ASPH: variants seen among roughly 807,000 people sequenced by gnomAD.
ASPH encodes the protein aspartate beta-hydroxylase.
A neutral mutation model predicts 118.4 loss-of-function variants in ASPH; 100 were observed. The observed-to-expected ratio is 0.84, with a 90% CI of 0.72 to 1.00. ASPH has a LOEUF of 1.00. ASPH is among the 50% of genes least tolerant of loss of function. ASPH has a pLI of 0.00. For synonymous variants in ASPH, 315 were observed against 325.6 expected (o/e 0.97, Z 0.35); for missense variants, 920 against 919.5 (o/e 1.00, Z -0.01).
At chr8:61,668,297 A>C (rs1820718606) in intron 3 of ASPH, 18 of 1,595,886 alleles carry the variant, frequency 1.1e-5, no homozygotes, top group Non-Finnish European at 1.5e-5. Flanking sequence ...TACAAGATGA[A>C]AATAGGTTAT....
In ASPH at chr8:61,589,883, G is replaced by A. The variant is rs144860450; in HGVS notation, c.977-5854C>T. Among the ~76,000 whole-genome samples the A allele has an allele frequency of 5.3e-4, 81 of 152,270 alleles. 2 individuals carry two copies. The East Asian group carries it at 0.014, about 26-fold the overall frequency. On this transcript the variant is annotated intron_variant, in intron 14 of 24. Transcript: ENST00000379454. ...TATGTGCAATTATAGGATGAATGAGGAGTGGTACTAATCTATTTGGGAGGG... is the reference window on the plus strand; with the variant it reads ...TATGTGCAATTATAGGATGAATGAGAAGTGGTACTAATCTATTTGGGAGGG...
chr8:61,617,932 C>CAAA (rs10674052), intron 14 of ASPH, among the ~76,000 whole-genome samples: 3 of 87,830 alleles, frequency 3.4e-5, no homozygotes, highest in African/African-American at 1.4e-4. Context: ...GACGCCATCT[C>CAAA]AAAAAAAAAA....
chr8:61,527,579 G>A lies in ASPH; in HGVS notation c.1765-1467C>T, dbSNP rs74493374. Among the ~76,000 whole-genome samples the A allele has an allele frequency of 4.0e-3, 613 of 152,228 alleles. 4 individuals carry two copies. The highest frequency in any genetic ancestry group is 0.013 in the African/African-American group (538 of 41,530). On this transcript the variant is annotated intron_variant, in intron 21 of 24. Transcript: ENST00000379454. ...ATTAATTTGTGTTAATATTGTTAAC[G>A]GAAGACCAATGAGATGTGGGGAGGC... is the stretch of plus-strand genomic sequence containing the variant.
chr8:61,572,056 T>C (rs1246594939), intron 16 of ASPH, among the ~76,000 whole-genome samples: 2 of 152,228 alleles, frequency 1.3e-5, no homozygotes, highest in Non-Finnish European at 2.9e-5. Flanking sequence ...TAAAATCGAA[T>C]TAATAAAAAA....
intron 2 of ASPH, chr8:61,682,482 G>C (rs1268335645): frequency 1.2e-6 from 2 of 1,612,152 alleles, no homozygotes; most frequent in Non-Finnish European, 8.5e-7. Context: ...CCTTTGCTTT[G>C]GCTGCATGCA....
At chr8:61,621,333 AAAG>A (rs758433415) in intron 13 of ASPH, among the ~76,000 whole-genome samples, 2,027 of 41,800 alleles carry the variant, frequency 0.048, 28 homozygotes, top group African/African-American at 0.12. Context: ...AAAAAAAAAA[AAAG>A]AAAAGAAAAG....
intron 6 of ASPH, among the ~76,000 whole-genome samples, chr8:61,646,210 G>T (rs1185726296): frequency 6.6e-6 from 1 of 152,160 alleles, no homozygotes; most frequent in Non-Finnish European, 1.5e-5. Flanking sequence ...CAGCTACACT[G>T]ACCCACTTAG....
chr8:61,509,540 C>T (rs1000307238), intron 24 of ASPH, among the ~76,000 whole-genome samples: 2 of 152,140 alleles, frequency 1.3e-5, no homozygotes, highest in Non-Finnish European at 1.5e-5. Flanking sequence ...TTTACTGCAA[C>T]CTGTTTTATC....
intron 24 of ASPH, among the ~76,000 whole-genome samples, chr8:61,508,235 C>A (rs1807398728): frequency 6.6e-6 from 1 of 152,102 alleles, no homozygotes; most frequent in Non-Finnish European, 1.5e-5. Context: ...AGGCTGCTCT[C>A]CAACTCCTGG....
intron 3 of ASPH, among the ~76,000 whole-genome samples, chr8:61,654,794 C>T (rs1386005294): frequency 2.0e-5 from 3 of 152,246 alleles, no homozygotes; most frequent in East Asian, 1.9e-4. Flanking sequence ...ACCACTAGTA[C>T]ACCTGACACC....
At chr8:61,546,790 A>G (rs943944537) in intron 21 of ASPH, among the ~76,000 whole-genome samples, 3 of 152,212 alleles carry the variant, frequency 2.0e-5, no homozygotes, top group Non-Finnish European at 4.4e-5. Flanking sequence ...TCTTATAGAT[A>G]CAGTTTATTT....
chr8:61,536,601 C>T (rs1819707509), intron 21 of ASPH, among the ~76,000 whole-genome samples: 1 of 152,166 alleles, frequency 6.6e-6, no homozygotes, highest in Non-Finnish European at 1.5e-5. Flanking sequence ...GAGGAGGGTG[C>T]ATATTTGGCT....
chr8:61,598,901 G>A lies in ASPH; in HGVS notation c.977-14872C>T, dbSNP rs189673061. ...CAACATGCTCCTGAATGGCCACTGA[G>A]TCAATGAAAAAATTAAGAAGGAAAT... On this transcript the variant is annotated intron_variant, in intron 14 of 24. Coordinates refer to ENST00000379454, the MANE Select transcript of ASPH (RefSeq NM_004318.4). Among the ~76,000 whole-genome samples, 136 of 152,218 alleles carry A rather than the reference G, an allele frequency of 8.9e-4. 1 individual carries two copies. The highest frequency in any genetic ancestry group is 8.8e-5 in the Non-Finnish European group (6 of 68,012).
chr8:61,672,210 T>C (rs888842192), intron 3 of ASPH, among the ~76,000 whole-genome samples: 7 of 152,120 alleles, frequency 4.6e-5, no homozygotes, highest in African/African-American at 1.7e-4. Flanking sequence ...GCTTTTTTAT[T>C]TTTAAATAGA....
chr8:61,564,322 G>A (rs1830924661), intron 17 of ASPH, among the ~76,000 whole-genome samples: 3 of 140,262 alleles, frequency 2.1e-5, no homozygotes, highest in Non-Finnish European at 1.5e-5. Context: ...TTTTTGAGAT[G>A]GAGTCTTGCT....
chr8:61,548,205 A>G lies in ASPH; in HGVS notation c.1630T>C (p.Tyr544His). ...AMQRVGNKEA[Y>H]KWYELGHKRG... Reference sequence around the variant, plus strand: ...TTGTGCCCAAGCTCATACCACTTATATGCCTGAAGGAACAGAAAGAATGTG... The same window carrying G: ...TTGTGCCCAAGCTCATACCACTTATGTGCCTGAAGGAACAGAAAGAATGTG... The change falls in exon 21 of 25, where the codon TAT becomes CAT. Residue 544 changes from tyrosine (Y) to histidine (H), a missense_variant. Tyr to His is a moderately conservative substitution (Grantham distance 83). Coordinates refer to ENST00000379454, the MANE Select transcript of ASPH (RefSeq NM_004318.4). 1 of 1,612,762 alleles carries G rather than the reference A, an allele frequency of 6.2e-7. No individual in the cohort carries two copies. Among genetic ancestry groups the G allele is most frequent in the Non-Finnish European group, 8.5e-7 (1 of 1,179,320 alleles).
chr8:61,535,239 T>C (rs1269291152), intron 21 of ASPH, among the ~76,000 whole-genome samples: 1 of 152,138 alleles, frequency 6.6e-6, no homozygotes, highest in Non-Finnish European at 1.5e-5. Flanking sequence ...TAGCTTCAAG[T>C]TTGAAAAAGC....
At chr8:61,609,327 G>C (rs1846582235) in intron 14 of ASPH, among the ~76,000 whole-genome samples, 1 of 152,168 alleles carries the variant, frequency 6.6e-6, no homozygotes, top group Non-Finnish European at 1.5e-5. Flanking sequence ...TATGAGGCTA[G>C]GTTTCTCCGT....
intron 14 of ASPH, among the ~76,000 whole-genome samples, chr8:61,585,677 C>T (rs757692893): frequency 6.6e-5 from 10 of 152,304 alleles, no homozygotes; most frequent in Middle Eastern, 6.8e-3. Flanking sequence ...CTACTTGCCA[C>T]GCTCCCTCCC....
Sources: gnomAD v4.1 joint callset for allele counts (sites outside exome capture counted in the v4.1 genomes callset) on GRCh38, gnomAD v4.1.1 for gene constraint, MANE v1.5 for transcripts, NCBI Gene and HGNC (gene_info 2026-07-23, HGNC 2026-07-21) for gene names.